The following PRKG1 variants were observed in gnomAD, a reference collection of about 807,000 sequenced individuals.
PRKG1 encodes cGMP-dependent protein kinase 1.
In PRKG1, 35 loss-of-function variants were observed where a neutral mutation model predicts 88.1. That is an observed-to-expected ratio of 0.40 (90% CI 0.30 to 0.53). The LOEUF (loss-of-function observed/expected upper bound fraction) is 0.53, where lower values mean the gene tolerates loss of function less well. PRKG1 is among the 20% of genes least tolerant of loss of function. The pLI is 0.59. For synonymous variants in PRKG1, 303 were observed against 292.5 expected (o/e 1.04, Z -0.37); for missense variants, 540 against 839.8 (o/e 0.64, Z 4.41).
chr10:52,156,374 A>G (rs530056236), intron 8 of PRKG1, among the ~76,000 whole-genome samples: 34 of 151,982 alleles, frequency 2.2e-4, no homozygotes, highest in Middle Eastern at 6.8e-3. Context: ...TTTGTGTCTT[A>G]TCTGTAATAT....
intron 4 of PRKG1, among the ~76,000 whole-genome samples, chr10:51,812,784 T>C (rs1937688): frequency 0.66 from 101,038 of 151,982 alleles, 33,844 homozygotes; most frequent in Middle Eastern, 0.71. Context: ...TTTCTCTCAG[T>C]TCATGAGGTA....
intron 5 of PRKG1, among the ~76,000 whole-genome samples, chr10:51,944,444 C>T (rs1182803134): frequency 6.6e-6 from 1 of 151,858 alleles, no homozygotes; most frequent in Non-Finnish European, 1.5e-5. Flanking sequence ...TTTTTTGTAT[C>T]TCTATTTCCT....
intron 1 of PRKG1, among the ~76,000 whole-genome samples, chr10:51,100,911 A>C (rs1465285323): frequency 6.6e-6 from 1 of 152,184 alleles, no homozygotes; most frequent in African/African-American, 2.4e-5. Flanking sequence ...AAAAAGGGTG[A>C]TTCTGAGTCT....
chr10:52,200,386 G>T (rs1479181504), intron 9 of PRKG1, among the ~76,000 whole-genome samples: 2 of 152,118 alleles, frequency 1.3e-5, no homozygotes, highest in African/African-American at 4.8e-5. Flanking sequence ...CAAAGGACAT[G>T]ATCTCATTCT....
intron 3 of PRKG1, chr10:51,699,587 G>C (rs1194268948): frequency 7.6e-6 from 12 of 1,576,638 alleles, no homozygotes; most frequent in Middle Eastern, 1.7e-4. Flanking sequence ...CGGATTCTTC[G>C]AGGCGTCTGT....
At chr10:51,099,317 T>C (rs1405435853) in intron 1 of PRKG1, among the ~76,000 whole-genome samples, 2 of 151,962 alleles carry the variant, frequency 1.3e-5, no homozygotes. Flanking sequence ...AAAGCACCCA[T>C]TTTATAATTT....
At chr10:52,189,531 T>C (rs1839310448) in intron 9 of PRKG1, among the ~76,000 whole-genome samples, 1 of 152,174 alleles carries the variant, frequency 6.6e-6, no homozygotes, top group African/African-American at 2.4e-5. Flanking sequence ...CAAACCCTAT[T>C]GTGAAATGCA....
intron 7 of PRKG1, among the ~76,000 whole-genome samples, chr10:52,131,266 G>A (rs992413358): frequency 1.3e-5 from 2 of 152,164 alleles, no homozygotes; most frequent in African/African-American, 2.4e-5. Flanking sequence ...ATAGGGTTTA[G>A]TGGAAGGAAG....
At chr10:51,624,831 A>G (rs1278592618) in intron 3 of PRKG1, among the ~76,000 whole-genome samples, 1 of 152,240 alleles carries the variant, frequency 6.6e-6, no homozygotes, top group Non-Finnish European at 1.5e-5. Flanking sequence ...ACACCACACA[A>G]TCTCACTCAT....
chr10:51,271,203 G>A (rs935358804), intron 2 of PRKG1, among the ~76,000 whole-genome samples: 1 of 152,036 alleles, frequency 6.6e-6, no homozygotes, highest in Non-Finnish European at 1.5e-5. Flanking sequence ...AGATGGTTGG[G>A]GGGGAGTAAA....
At chr10:52,224,176 C>G (rs552044702) in intron 9 of PRKG1, among the ~76,000 whole-genome samples, 3 of 152,216 alleles carry the variant, frequency 2.0e-5, no homozygotes, top group African/African-American at 7.2e-5. Flanking sequence ...CGTCCCATCT[C>G]ATTGCTTCCT....
In PRKG1 at chr10:51,697,518, C is replaced by G; in HGVS notation, c.593-107067C>G. ...GAACAGACGCACTCCCTCCTCCCCC[C>G]ACCCTCAATTAAAAAAAAAAGGAAA... On this transcript the variant is annotated intron_variant, in intron 3 of 17. Transcript: ENST00000373980. 3 of 625,978 alleles carry G rather than the reference C, an allele frequency of 4.8e-6. No individual in the cohort carries two copies. In the South Asian group the frequency reaches 6.3e-5, roughly 13 times the overall value. The allele number at this position is 625,978 out of a possible 1,614,324, so 38.8% of individuals were successfully genotyped here. A position where few individuals can be genotyped will look rare whatever the true frequency, so the allele number is the denominator to read the frequency against.
intron 7 of PRKG1, among the ~76,000 whole-genome samples, chr10:52,081,169 G>A (rs542911482): frequency 2.8e-4 from 43 of 152,244 alleles, no homozygotes; most frequent in Admixed American, 5.2e-4. Context: ...TAAATTTCTT[G>A]TAAAATGTGT....
At chr10:51,902,101 C>T (rs1257713573) in intron 4 of PRKG1, among the ~76,000 whole-genome samples, 1 of 151,762 alleles carries the variant, frequency 6.6e-6, no homozygotes, top group Admixed American at 6.6e-5. Context: ...ATAATATAAA[C>T]TTTTATTTTT....
chr10:52,065,842 G>T (rs1299147222), intron 7 of PRKG1, among the ~76,000 whole-genome samples: 1 of 152,080 alleles, frequency 6.6e-6, no homozygotes, highest in Non-Finnish European at 1.5e-5. Flanking sequence ...TAGAAATCAG[G>T]TGGCATTTTA....
At chr10:51,694,358 G>A (rs1050687248) in intron 3 of PRKG1, among the ~76,000 whole-genome samples, 6 of 152,134 alleles carry the variant, frequency 3.9e-5, no homozygotes, top group African/African-American at 1.2e-4. Flanking sequence ...TTACGTTAAC[G>A]GTTTTCTTTC....
chr10:52,084,974 T>G (rs1359131435), intron 7 of PRKG1, among the ~76,000 whole-genome samples: 1 of 152,066 alleles, frequency 6.6e-6, no homozygotes, highest in Non-Finnish European at 1.5e-5. Context: ...GTCACTCAAT[T>G]TGAGTTTATC....
intron 3 of PRKG1, 161 bp downstream of exon 3, chr10:51,467,997 G>A (rs1313193662): frequency 6.4e-6 from 4 of 621,954 alleles, no homozygotes; most frequent in Admixed American, 5.0e-5. Flanking sequence ...TCCTACTAAA[G>A]GTGATTGTTA....
chr10:51,670,828 C>G lies in PRKG1; in HGVS notation c.593-133757C>G, dbSNP rs140317337. On this transcript the variant is annotated intron_variant, in intron 3 of 17. Coordinates refer to ENST00000373980, the MANE Select transcript of PRKG1 (RefSeq NM_006258.4). ...TTTTAAATCAACAACAAAAGTACAA[C>G]TTAATCAGTATTTTTATCCTACTCC... 6.3e-3 allele frequency among the ~76,000 whole-genome samples: 961 copies of G among 151,566 alleles called. 8 individuals are homozygous for G. Among genetic ancestry groups the G allele is most frequent in the African/African-American group, 0.022 (927 of 41,392 alleles).
Sources: allele counts gnomAD v4.1 joint callset (sites outside exome capture counted in the v4.1 genomes callset), GRCh38; gene constraint gnomAD v4.1.1; transcripts MANE v1.5; gene names NCBI Gene and HGNC (gene_info 2026-07-23, HGNC 2026-07-21).